DNAH1: variants seen among roughly 807,000 people sequenced by gnomAD.
DNAH1 encodes dynein axonemal heavy chain 1, also known as axonemal beta dynein heavy chain 1.
In DNAH1, 327 loss-of-function variants were observed where a neutral mutation model predicts 484.3. The observed-to-expected ratio is 0.68, with a 90% CI of 0.62 to 0.74. The LOEUF is 0.74. Among genes scored for constraint, DNAH1 ranks in the 30% least tolerant of loss-of-function variants. The pLI, the probability that DNAH1 is intolerant of heterozygous loss-of-function variation, is 0.00. For missense variants in DNAH1, 5,052 were observed against 5,546.8 expected (o/e 0.91, Z 2.83); for synonymous variants, 2,192 against 2,191.9 (o/e 1.00, Z 0.00).
rs754476644 is a variant in DNAH1 at position 52,361,707 on chromosome 3, G to A, written c.4921G>A (p.Glu1641Lys). 9 of 1,611,564 alleles carry A rather than the reference G, an allele frequency of 5.6e-6. No individual in the cohort carries two copies. Among genetic ancestry groups the A allele is most frequent in the Admixed American group, 1.7e-5 (1 of 59,714 alleles). ...CGACGAGTTCAATCGCATCGACATC[G>A]AGGTGCTGTCTGTGGTGGCGCAGCA... ...CFDEFNRIDI[E>K]VLSVVAQQIT... The change falls in exon 30 of 78, where the codon GAG (glutamate) becomes AAG (lysine). Residue 1641 changes from glutamate to lysine, a missense_variant. Physicochemically the swap from Glu to Lys is moderately conservative, Grantham distance 56 (BLOSUM62 1). Transcript: ENST00000420323. This position sits in a 1 kb window ranked among gnomAD's most constrained non-coding sequence, Gnocchi z 5.6.
In DNAH1 at chr3:52,332,236, C is replaced by G; in HGVS notation, c.1128C>G (p.Val376=). The change falls in exon 8 of 78, where the codon GTC becomes GTG. Residue 376 remains valine (V), a synonymous_variant. Transcript: ENST00000420323. The part of the protein sequence containing the change: ...EDPCMFAQRV[V]QANALRKNTE... ...CTTGCATGTTCGCACAACGTGTGGTCCAGGCCAACGCCCTGCGCAAGAACA... is the reference window on the plus strand; with the variant it reads ...CTTGCATGTTCGCACAACGTGTGGTGCAGGCCAACGCCCTGCGCAAGAACA... 1 of 1,613,844 alleles carries G rather than the reference C, an allele frequency of 6.2e-7. No homozygotes were observed. The highest frequency in any genetic ancestry group is 8.5e-7 in the Non-Finnish European group (1 of 1,179,788).
chr3:52,393,071 T>C, intron 65 of DNAH1, 46 bp downstream of exon 65: 1 of 1,588,518 alleles, frequency 6.3e-7, no homozygotes, highest in South Asian at 1.1e-5. Flanking sequence ...ATATGACCCA[T>C]GTGGACACAT....
At chr3:52,384,254 C>T (rs1037572286) in intron 52 of DNAH1, among the ~76,000 whole-genome samples, 1 of 152,254 alleles carries the variant, frequency 6.6e-6, no homozygotes, top group Non-Finnish European at 1.5e-5. Flanking sequence ...TGCACGGGTA[C>T]TGCTTCCCTT....
chr3:52,353,859 G>A lies in DNAH1; in HGVS notation c.3480+226G>A. 1 of 617,318 alleles carries A rather than the reference G, an allele frequency of 1.6e-6. No homozygotes were observed. Among genetic ancestry groups the A allele is most frequent in the Non-Finnish European group, 2.7e-6 (1 of 365,000 alleles). The allele number at this position is 617,318 out of a possible 1,614,324, so 38.2% of individuals were successfully genotyped here. A position where few individuals can be genotyped will look rare whatever the true frequency, so the allele number is the denominator to read the frequency against. On this transcript the variant is annotated intron_variant, in intron 20 of 77. Coordinates refer to ENST00000420323, the MANE Select transcript of DNAH1 (RefSeq NM_015512.5). The surrounding 1 kb of genome is among the most constrained non-coding windows in gnomAD (Gnocchi z 5.0). ...ATTATTTTTCAGTTACTCCTCTCAA[G>A]AGCCCCAGGAAGGAGCTAATAGCAT...
chr3:52,390,214 C>T (rs1226065178), intron 60 of DNAH1, among the ~76,000 whole-genome samples: 2 of 152,194 alleles, frequency 1.3e-5, no homozygotes, highest in East Asian at 1.9e-4. Flanking sequence ...AGTGTAATCC[C>T]AGCACTTTGG....
At position 52,388,578 on chromosome 3, in the gene DNAH1, A is replaced by C; in HGVS notation, c.9332A>C (p.Gln3111Pro). The part of the protein sequence containing the change: ...KKEELELKCE[Q>P]CEQRLGRAGK... Reference sequence around the variant, plus strand: ...GAGGAGCTGGAGCTGAAGTGTGAGCAGTGTGAGCAGCGGCTGGGCCGAGCT... The same window carrying C: ...GAGGAGCTGGAGCTGAAGTGTGAGCCGTGTGAGCAGCGGCTGGGCCGAGCT... The change falls in exon 58 of 78, where the codon CAG becomes CCG. Residue 3111 changes from glutamine to proline, a missense_variant. Transcript: ENST00000420323. 1 of 1,612,672 alleles carries C rather than the reference A, an allele frequency of 6.2e-7. No homozygotes were observed. The highest frequency in any genetic ancestry group is 8.5e-7 in the Non-Finnish European group (1 of 1,179,560).
intron 17 of DNAH1, 121 bp from the exon 18 acceptor site, chr3:52,352,431 A>C: frequency 7.4e-7 from 1 of 1,345,346 alleles, no homozygotes; most frequent in African/African-American, 1.5e-5. Flanking sequence ...CAGGAGAACA[A>C]CCTCCTTAGA....
At chr3:52,367,967 A>G (rs1294289005) in intron 36 of DNAH1, among the ~76,000 whole-genome samples, 2 of 152,210 alleles carry the variant, frequency 1.3e-5, no homozygotes, top group Admixed American at 6.5e-5. Context: ...AGTTAAGGGG[A>G]GAGACTGGGC....
chr3:52,342,831 A>G (rs539975983), intron 8 of DNAH1, among the ~76,000 whole-genome samples: 2 of 152,234 alleles, frequency 1.3e-5, no homozygotes, highest in East Asian at 1.9e-4. Flanking sequence ...TAAGGCATCC[A>G]GTGTCAGTGT....
At chr3:52,366,104 C>T (rs1703062984) in intron 34 of DNAH1, among the ~76,000 whole-genome samples, 1 of 152,204 alleles carries the variant, frequency 6.6e-6, no homozygotes, top group African/African-American at 2.4e-5. Flanking sequence ...TCATAGGAGT[C>T]AGCACTTACT....
At chr3:52,382,573 A>C (rs547327116) in intron 50 of DNAH1, 118 bp downstream of exon 50, 118 of 1,463,234 alleles carry the variant, frequency 8.1e-5, no homozygotes, top group Non-Finnish European at 9.6e-5. Context: ...GGCAGATCTC[A>C]GAAGAGACCA....
chr3:52,373,980 T>A, intron 44 of DNAH1: 1 of 1,178,936 alleles, frequency 8.5e-7, no homozygotes, highest in African/African-American at 1.5e-5. Flanking sequence ...TATGAATTTT[T>A]CTTAAGATTT....
In DNAH1 at chr3:52,388,802, C is replaced by T; in HGVS notation, c.9364-4C>T. ...GAGCCCACCCCACGGGGCTGCCCCT[C>T]CAGCTCATCAACGGGCTGTCGGATG... On this transcript the variant is annotated splice_region_variant and splice_polypyrimidine_tract_variant and intron_variant, in intron 58 of 77. Coordinates refer to ENST00000420323, the MANE Select transcript of DNAH1 (RefSeq NM_015512.5). The T allele has an allele frequency of 2.5e-6, 4 of 1,613,276 alleles. No individual in the cohort carries two copies. The highest frequency in any genetic ancestry group is 3.4e-6 in the Non-Finnish European group (4 of 1,179,828).
At chr3:52,399,868 C>A in intron 77 of DNAH1, 89 bp downstream of exon 77, 1 of 1,358,536 alleles carries the variant, frequency 7.4e-7, no homozygotes, top group Non-Finnish European at 1.0e-6. Context: ...TCCAGGTTAG[C>A]TGAACAAGGA....
chr3:52,352,534 T>C lies in DNAH1; in HGVS notation c.2872-18T>C, dbSNP rs1434285125. 1.2e-6 allele frequency: 2 copies of C among 1,602,986 alleles called. No homozygotes were observed. Among genetic ancestry groups the C allele is most frequent in the Non-Finnish European group, 1.7e-6 (2 of 1,171,608 alleles). On this transcript the variant is annotated intron_variant, in intron 17 of 77. Coordinates refer to ENST00000420323, the MANE Select transcript of DNAH1 (RefSeq NM_015512.5). ...TGGGGCTGCAGGGGCATCTGACCCA[T>C]TGCTCCTTGGCCTGCAGCTGGTAGT...
chr3:52,390,825 T>C, intron 60 of DNAH1, 110 bp from the exon 61 acceptor site: 3 of 1,478,688 alleles, frequency 2.0e-6, no homozygotes, highest in Non-Finnish European at 9.1e-7. Flanking sequence ...GGGGATGCAG[T>C]AAGGAGAGGG....
rs146121533 is a variant in DNAH1 at position 52,350,161 on chromosome 3, G to A, written c.2646+53G>A. On this transcript the variant is annotated intron_variant, in intron 15 of 77. Coordinates refer to ENST00000420323, the MANE Select transcript of DNAH1 (RefSeq NM_015512.5). ...CAGGGAGGCACAGGGCTGGTGTTAA[G>A]AGTCCGAGGGCTGGGGCAGGCAGGG... 0.019 allele frequency: 30,522 copies of A among 1,586,402 alleles called. 360 individuals carry two copies. The highest frequency in any genetic ancestry group is 0.024 in the Non-Finnish European group (27,719 of 1,167,680).
Position 52,379,965 on chromosome 3 carries a change from C to A in DNAH1, c.7438C>A (p.Leu2480Met). ...GAACTGCCGCGTGTTCCGGGACCGA[C>A]TGGTGAATGAGGAGGACCGCAGCTG... ...HENCRVFRDR[L>M]VNEEDRSWFD... Residue 2480 changes from leucine to methionine, a missense_variant, in exon 48 of 78, where the codon CTG becomes ATG. By Grantham distance (15) the Leu-to-Met change is conservative (BLOSUM62 2). Transcript: ENST00000420323. This position sits in a 1 kb window ranked among gnomAD's most constrained non-coding sequence, Gnocchi z 4.4. The A allele has an allele frequency of 6.3e-7, 1 of 1,585,090 alleles. No individual in the cohort carries two copies. Among genetic ancestry groups the A allele is most frequent in the Non-Finnish European group, 8.6e-7 (1 of 1,165,990 alleles).
chr3:52,357,606 C>T lies in DNAH1; in HGVS notation c.3859-8C>T, dbSNP rs1208277907. The T allele has an allele frequency of 6.3e-7, 1 of 1,597,008 alleles. No individual in the cohort carries two copies. The highest frequency in any genetic ancestry group is 8.5e-7 in the Non-Finnish European group (1 of 1,171,212). On this transcript the variant is annotated splice_polypyrimidine_tract_variant and splice_region_variant and intron_variant, in intron 22 of 77. Coordinates refer to ENST00000420323, the MANE Select transcript of DNAH1 (RefSeq NM_015512.5). The stretch of plus-strand genomic sequence containing the variant: ...TGCCCATTTCTGTGCATGGCCCGGG[C>T]CCTGCAGGTGATCAATGTGTGTTCC...
Sources: gnomAD v4.1 joint callset for allele counts (sites outside exome capture counted in the v4.1 genomes callset) on GRCh38, gnomAD v4.1.1 for gene constraint, Gnocchi (gnomAD v3.1) non-coding constraint, MANE v1.5 for transcripts, NCBI Gene and HGNC (gene_info 2026-07-23, HGNC 2026-07-21) for gene names.